Variants in SDCCAG8 observed in about 807,000 individuals in gnomAD.
The protein encoded by SDCCAG8 is SHH signaling and ciliogenesis regulator SDCCAG8.
SDCCAG8 carries 74 observed loss-of-function variants against 101.8 expected under a neutral mutation model. The ratio of observed to expected loss-of-function variants is 0.73; its 90% confidence interval spans 0.60 to 0.88. The LOEUF (loss-of-function observed/expected upper bound fraction) is 0.88. Ranked by LOEUF, SDCCAG8 falls within the 40% of genes least tolerant of loss-of-function variation. The pLI, the probability that SDCCAG8 is intolerant of heterozygous loss-of-function variation, is 0.00. For synonymous variants in SDCCAG8, 281 were observed against 292.9 expected (o/e 0.96, Z 0.41); for missense variants, 787 against 822.6 (o/e 0.96, Z 0.53).
chr1:243,374,006 C>T (rs2077451861), intron 12 of SDCCAG8, among the ~76,000 whole-genome samples: 2 of 151,934 alleles, frequency 1.3e-5, no homozygotes, highest in Admixed American at 1.3e-4. Context: ...CAAAGGAAAA[C>T]ATTTAAATAC....
intron 13 of SDCCAG8, among the ~76,000 whole-genome samples, chr1:243,396,276 A>G (rs1254496973): frequency 6.6e-6 from 1 of 152,186 alleles, no homozygotes; most frequent in East Asian, 1.9e-4. Context: ...AATTTCTATG[A>G]GTTTATTTTT....
chr1:243,327,916 T>C (rs1219414196), intron 9 of SDCCAG8, among the ~76,000 whole-genome samples: 1 of 152,202 alleles, frequency 6.6e-6, no homozygotes, highest in Admixed American at 6.5e-5. Flanking sequence ...TGTTTGTTTG[T>C]TTTTGAGATG....
chr1:243,287,919 C>G (rs371914258), intron 5 of SDCCAG8, among the ~76,000 whole-genome samples: 2 of 152,110 alleles, frequency 1.3e-5, no homozygotes, highest in South Asian at 2.1e-4. Flanking sequence ...AAATGATGGT[C>G]AGAGCACACA....
chr1:243,256,206 GGA>G lies in SDCCAG8; in HGVS notation c.36_37del (p.Glu12AspfsTer41), dbSNP rs761883554. 6.2e-7 allele frequency: 1 copy of G among 1,614,222 alleles called. No individual in the cohort carries two copies. Among genetic ancestry groups the G allele is most frequent in the South Asian group, 1.1e-5 (1 of 91,090 alleles). On this transcript the variant is annotated frameshift_variant, in exon 1 of 18. Transcript: ENST00000366541. LOFTEE classifies it high-confidence loss of function. ...AKSPENSTLE[E>X]ILGQYQRSLR... Reference sequence around the variant, plus strand: ...AGTCCCCGGAGAACTCTACCCTGGAGGAGATTCTGGGGCAGTATCAACGGAGT... The same window carrying G: ...AGTCCCCGGAGAACTCTACCCTGGAGGATTCTGGGGCAGTATCAACGGAGT...
At chr1:243,479,296 T>C (rs2148219146) in intron 16 of SDCCAG8, among the ~76,000 whole-genome samples, 1 of 152,328 alleles carries the variant, frequency 6.6e-6, no homozygotes, top group Admixed American at 6.5e-5. Context: ...TGTAGAAATA[T>C]GGAGCTGGAG....
chr1:243,374,066 G>C (rs1266957348), intron 12 of SDCCAG8, among the ~76,000 whole-genome samples: 2 of 152,010 alleles, frequency 1.3e-5, no homozygotes, highest in African/African-American at 2.4e-5. Flanking sequence ...AAATTAGCAT[G>C]CTATGTAAAA....
chr1:243,325,751 A>AATT, intron 9 of SDCCAG8, among the ~76,000 whole-genome samples: 1 of 152,240 alleles, frequency 6.6e-6, no homozygotes, highest in Non-Finnish European at 1.5e-5. Flanking sequence ...TTGAGTGATA[A>AATT]GAACCAATTA....
intron 12 of SDCCAG8, among the ~76,000 whole-genome samples, chr1:243,368,043 G>A (rs901914839): frequency 3.3e-5 from 5 of 151,342 alleles, no homozygotes; most frequent in African/African-American, 7.3e-5. Flanking sequence ...ACAAAACCCC[G>A]TCTCTACAAA....
intron 9 of SDCCAG8, among the ~76,000 whole-genome samples, chr1:243,329,556 T>G (rs575442475): frequency 1.3e-5 from 2 of 152,204 alleles, no homozygotes; most frequent in Non-Finnish European, 2.9e-5. Context: ...GGGTTCTTTC[T>G]ACCATTTCAG....
intron 16 of SDCCAG8, among the ~76,000 whole-genome samples, chr1:243,444,353 GT>G (rs2082752646): frequency 6.6e-6 from 1 of 151,442 alleles, no homozygotes; most frequent in African/African-American, 2.4e-5. Flanking sequence ...CGGCACTAAA[GT>G]TTTTTTGTTT....
chr1:243,267,943 A>G (rs2067763665), intron 1 of SDCCAG8: 4 of 794,578 alleles, frequency 5.0e-6, no homozygotes, highest in African/African-American at 1.7e-5. Flanking sequence ...GCTGTGTATT[A>G]TATTGGCAAA....
chr1:243,315,146 C>A (rs1292622958), intron 8 of SDCCAG8, among the ~76,000 whole-genome samples: 2 of 152,142 alleles, frequency 1.3e-5, no homozygotes, highest in Admixed American at 6.5e-5. Context: ...CTGTAAGATG[C>A]CTATATTGAC....
intron 6 of SDCCAG8, among the ~76,000 whole-genome samples, chr1:243,298,760 C>G (rs1190046458): frequency 6.6e-6 from 1 of 152,172 alleles, no homozygotes; most frequent in Admixed American, 6.5e-5. Context: ...TATGATAGTA[C>G]CTTTCTCCTA....
At chr1:243,410,604 C>G (rs1354901895) in intron 13 of SDCCAG8, among the ~76,000 whole-genome samples, 1 of 152,074 alleles carries the variant, frequency 6.6e-6, no homozygotes, top group East Asian at 1.9e-4. Flanking sequence ...GTGCTTCAAC[C>G]CCACAACTAC....
intron 4 of SDCCAG8, among the ~76,000 whole-genome samples, chr1:243,275,340 T>A (rs185893182): frequency 6.6e-6 from 1 of 152,234 alleles, no homozygotes; most frequent in East Asian, 1.9e-4. Flanking sequence ...TGTATTCGAT[T>A]GTATGATATT....
intron 10 of SDCCAG8, among the ~76,000 whole-genome samples, chr1:243,333,530 T>A (rs1048869768): frequency 2.0e-5 from 3 of 152,228 alleles, no homozygotes; most frequent in Non-Finnish European, 4.4e-5. Flanking sequence ...ACTCTTTCTC[T>A]TAATAGTCGA....
chr1:243,332,557 G>A (rs374273388), intron 10 of SDCCAG8, among the ~76,000 whole-genome samples: 1 of 152,024 alleles, frequency 6.6e-6, no homozygotes. Flanking sequence ...TCACGGTCCC[G>A]GTCTGGAGGT....
intron 13 of SDCCAG8, among the ~76,000 whole-genome samples, chr1:243,382,982 G>A (rs1339383612): frequency 6.6e-6 from 1 of 152,224 alleles, no homozygotes; most frequent in Non-Finnish European, 1.5e-5. Context: ...TGCAACCCCA[G>A]TGGAGATGTC....
intron 15 of SDCCAG8, among the ~76,000 whole-genome samples, chr1:243,420,648 A>G (rs1408168707): frequency 6.6e-6 from 1 of 152,234 alleles, no homozygotes; most frequent in Non-Finnish European, 1.5e-5. Context: ...ATTGTTACTT[A>G]CTATTTTTAA....
Sources: gnomAD v4.1 joint callset for allele counts (sites outside exome capture counted in the v4.1 genomes callset) on GRCh38, gnomAD v4.1.1 for gene constraint, MANE v1.5 for transcripts, NCBI Gene and HGNC (gene_info 2026-07-23, HGNC 2026-07-21) for gene names.